The following KCNK9 variants were observed in gnomAD, a reference collection of about 807,000 sequenced individuals.
The protein encoded by KCNK9 is potassium two pore domain channel subfamily K member 9, also known as potassium channel subfamily K member 9.
A neutral mutation model predicts 10.8 loss-of-function variants in KCNK9; 1 was observed. The observed-to-expected ratio is 0.09, with a 90% confidence interval of 0.03 to 0.44. The LOEUF is 0.44. Ranked by LOEUF, KCNK9 falls within the 20% of genes least tolerant of loss-of-function variation. The pLI, the probability that KCNK9 is intolerant of heterozygous loss-of-function variation, is 0.97. For synonymous variants in KCNK9, 231 were observed against 222.7 expected (o/e 1.04, Z -0.33); for missense variants, 303 against 515.0 (o/e 0.59, Z 3.98).
chr8:139,691,124 G>C (rs1017635609), intron 1 of KCNK9, among the ~76,000 whole-genome samples: 2 of 152,166 alleles, frequency 1.3e-5, no homozygotes. Context: ...AGTGACCAGA[G>C]CCAGTCGGCT....
At chr8:139,661,494 G>A (rs907999979) in intron 1 of KCNK9, among the ~76,000 whole-genome samples, 7 of 152,150 alleles carry the variant, frequency 4.6e-5, no homozygotes, top group African/African-American at 1.7e-4. Context: ...GCTTGCCCTC[G>A]TCACAGCCCT....
chr8:139,650,012 C>T lies in KCNK9; in HGVS notation c.284-30913G>A, dbSNP rs528627237. On this transcript the variant is annotated intron_variant, in intron 1 of 1. Transcript: ENST00000520439. The stretch of plus-strand genomic sequence containing the variant: ...GGCAGTGGGGGAGCAAGCCAGGCAG[C>T]TACCTGGGGAAAGAGAAGTGGCAGG... Among the ~76,000 whole-genome samples, 10 of 152,292 alleles carry T rather than the reference C, an allele frequency of 6.6e-5. No individual in the cohort carries two copies. The South Asian group carries it at 2.1e-3, about 32-fold the overall frequency.
chr8:139,609,744 A>G (rs1423031679), downstream of KCNK9, among the ~76,000 whole-genome samples: 1 of 152,148 alleles, frequency 6.6e-6, no homozygotes, highest in Non-Finnish European at 1.5e-5. Flanking sequence ...TGTCATTAAA[A>G]CTAAAGCATC....
At chr8:139,601,779 G>A (rs1305099793) in intron 2 of KCNK9, among the ~76,000 whole-genome samples, 2 of 152,140 alleles carry the variant, frequency 1.3e-5, no homozygotes, top group Non-Finnish European at 2.9e-5. Flanking sequence ...TGCATGTTAG[G>A]TTCTCTATAG....
chr8:139,609,256 C>CCCCA (rs1357030292), downstream of KCNK9, among the ~76,000 whole-genome samples: 3 of 142,744 alleles, frequency 2.1e-5, no homozygotes, highest in Admixed American at 7.0e-5. Flanking sequence ...ACCCCCCCCC[C>CCCCA]ACCTACCTAG....
chr8:139,618,558 G>A lies in KCNK9; in HGVS notation c.825C>T (p.Ile275=), dbSNP rs111673991. The A allele has an allele frequency of 3.9e-4, 633 of 1,613,674 alleles. 6 individuals carry two copies. The African/African-American group carries it at 7.6e-3, about 19-fold the overall frequency. ...AGNRNSMVIH[I]PEEPRPSRPR... ...GCCGGCTGGGCCGCGGCTCCTCAGG[G>A]ATGTGAATGACCATGCTGTTGCGGT... The change falls in exon 2 of 2, where the codon ATC becomes ATT. Residue 275 remains isoleucine, a synonymous_variant. Coordinates refer to ENST00000520439, the MANE Select transcript of KCNK9 (RefSeq NM_001282534.2). The surrounding 1 kb of genome is among the most constrained non-coding windows in gnomAD (Gnocchi z 7.9).
chr8:139,646,720 C>A (rs1410638883), intron 1 of KCNK9, among the ~76,000 whole-genome samples: 2 of 152,228 alleles, frequency 1.3e-5, no homozygotes, highest in Admixed American at 6.5e-5. Flanking sequence ...TTCTGGCCAT[C>A]TTTCCAGGCT....
At chr8:139,670,890 T>A (rs975943009) in intron 1 of KCNK9, among the ~76,000 whole-genome samples, 1 of 152,202 alleles carries the variant, frequency 6.6e-6, no homozygotes, top group Non-Finnish European at 1.5e-5. Flanking sequence ...GCTCTAGGAT[T>A]TGATGACCAC....
At position 139,702,637 on chromosome 8, in the gene KCNK9, G is replaced by A. The variant is rs1028930629; in HGVS notation, c.283+73C>T. 8.1e-6 allele frequency: 12 copies of A among 1,484,328 alleles called. No homozygotes were observed. The highest frequency in any genetic ancestry group is 4.2e-5 in the African/African-American group (3 of 71,880). The allele number at this position is 1,484,328 out of a possible 1,614,324, so 91.9% of individuals were successfully genotyped here. Reference sequence around the variant, plus strand: ...ACCCTCGACGCCCTGCACCCAGCCCGGCGCGGCGCGCTCAGCCGCCTCCCC... The same window carrying A: ...ACCCTCGACGCCCTGCACCCAGCCCAGCGCGGCGCGCTCAGCCGCCTCCCC... On this transcript the variant is annotated intron_variant, in intron 1 of 1. Transcript: ENST00000520439. This position sits in a 1 kb window ranked among gnomAD's most constrained non-coding sequence, Gnocchi z 7.5.
intron 1 of KCNK9, among the ~76,000 whole-genome samples, chr8:139,670,385 T>C (rs1443630063): frequency 6.6e-6 from 1 of 152,120 alleles, no homozygotes; most frequent in Non-Finnish European, 1.5e-5. Flanking sequence ...GTGGGCTTGA[T>C]GACACGGGGT....
intron 1 of KCNK9, among the ~76,000 whole-genome samples, chr8:139,688,297 C>T (rs965352115): frequency 1.5e-4 from 23 of 152,124 alleles, no homozygotes; most frequent in African/African-American, 5.6e-4. Flanking sequence ...AAGAAATACC[C>T]GAGACAGGGT....
At chr8:139,636,129 G>A (rs1241707199) in intron 1 of KCNK9, among the ~76,000 whole-genome samples, 6 of 152,176 alleles carry the variant, frequency 3.9e-5, no homozygotes, top group Non-Finnish European at 7.3e-5. Flanking sequence ...GGCATTGCAG[G>A]AGTTTCAAAA....
intron 1 of KCNK9, among the ~76,000 whole-genome samples, chr8:139,621,302 AAAAATAGCCAAATTTGATGAAAGACAC>A (rs1178125841): frequency 3.3e-5 from 5 of 151,922 alleles, no homozygotes; most frequent in African/African-American, 7.3e-5. Flanking sequence ...AAAAAAAAAA[AAAAATAGCCAAATTTGATGAAAGACAC>A]AAACTTATAG....
downstream of KCNK9, chr8:139,600,920 T>C (rs1554616142): frequency 3.9e-5 from 6 of 152,162 alleles, no homozygotes; most frequent in Non-Finnish European, 8.8e-5. Flanking sequence ...CAGGGAGATG[T>C]TAATAATAAT....
At chr8:139,650,504 G>T (rs1385198345) in intron 1 of KCNK9, among the ~76,000 whole-genome samples, 2 of 152,108 alleles carry the variant, frequency 1.3e-5, no homozygotes, top group Non-Finnish European at 2.9e-5. Flanking sequence ...TGGGTGTCTG[G>T]CTGCTGCTCC....
chr8:139,696,630 GAGGAGGGAGGGA>G (rs1341402539), intron 1 of KCNK9, among the ~76,000 whole-genome samples: 1 of 152,166 alleles, frequency 6.6e-6, no homozygotes, highest in Non-Finnish European at 1.5e-5. Flanking sequence ...TGAGTACACA[GAGGAGGGAGGGA>G]AGGAGGGAGG....
rs570258567 is a variant in KCNK9, at chr8:139,680,971, G to A, written c.283+21739C>T. The stretch of plus-strand genomic sequence containing the variant: ...TCTCCTCCCACAACTTAGAGCTCCA[G>A]CTTTGTAACCGTCTCCTCAAGCACA... On this transcript the variant is annotated intron_variant, in intron 1 of 1. Transcript: ENST00000520439. Among the ~76,000 whole-genome samples the A allele has an allele frequency of 2.0e-5, 3 of 152,238 alleles. No homozygotes were observed. The East Asian group carries it at 5.8e-4, about 29-fold the overall frequency.
chr8:139,681,584 G>A (rs1190943168), intron 1 of KCNK9, among the ~76,000 whole-genome samples: 1 of 152,206 alleles, frequency 6.6e-6, no homozygotes, highest in Non-Finnish European at 1.5e-5. Flanking sequence ...CTGGAACAAG[G>A]GTCGCTGGCT....
At chr8:139,659,276 G>A (rs1239562972) in intron 1 of KCNK9, among the ~76,000 whole-genome samples, 1 of 152,162 alleles carries the variant, frequency 6.6e-6, no homozygotes, top group Non-Finnish European at 1.5e-5. Flanking sequence ...CCTGACCCAA[G>A]GCTTTCCCTA....
Sources: gnomAD v4.1 joint callset for allele counts (sites outside exome capture counted in the v4.1 genomes callset) on GRCh38, gnomAD v4.1.1 for gene constraint, Gnocchi (gnomAD v3.1) non-coding constraint, MANE v1.5 for transcripts, NCBI Gene and HGNC (gene_info 2026-07-23, HGNC 2026-07-21) for gene names.